MANEA: variants seen among roughly 807,000 people sequenced by gnomAD.
The protein encoded by MANEA is mannosidase endo-alpha, also known as glycoprotein endo-alpha-1,2-mannosidase.
Under a neutral mutation model 36.8 loss-of-function variants are expected in MANEA, and 25 were observed. That is an observed-to-expected ratio of 0.68 (90% confidence interval 0.50 to 0.95). MANEA has a LOEUF of 0.95. Among genes scored for constraint, MANEA ranks in the 40% least tolerant of loss-of-function variants. The pLI, the probability that MANEA is intolerant of heterozygous loss-of-function variation, is 0.00. For missense variants in MANEA, 565 were observed against 558.8 expected (o/e 1.01, Z -0.11); for synonymous variants, 198 against 188.5 (o/e 1.05, Z -0.41).
At chr6:95,604,061 G>GGTGTGTGTGTGTATGTGT (rs1554210529) in intron 3 of MANEA, among the ~76,000 whole-genome samples, 1 of 138,320 alleles carries the variant, frequency 7.2e-6, no homozygotes, top group South Asian at 2.4e-4. Flanking sequence ...TATGTATGTA[G>GGTGTGTGTGTGTATGTGT]GTGTGTGTGT....
chr6:95,600,250 C>A (rs1375744277), intron 3 of MANEA, among the ~76,000 whole-genome samples: 1 of 152,028 alleles, frequency 6.6e-6, no homozygotes, highest in Non-Finnish European at 1.5e-5. Context: ...ACTTGGAACA[C>A]GATAGACTAA....
At chr6:95,590,734 GA>G (rs1769372379) in intron 2 of MANEA, among the ~76,000 whole-genome samples, 1 of 152,122 alleles carries the variant, frequency 6.6e-6, no homozygotes, top group Non-Finnish European at 1.5e-5. Flanking sequence ...AAAAAAATTT[GA>G]AAGTATTCAT....
At chr6:95,579,924 C>T (rs1769147765) in intron 1 of MANEA, among the ~76,000 whole-genome samples, 2 of 152,130 alleles carry the variant, frequency 1.3e-5, no homozygotes, top group African/African-American at 4.8e-5. Flanking sequence ...TAGGTCCCTG[C>T]CTTGGAAAGA....
intron 3 of MANEA, among the ~76,000 whole-genome samples, chr6:95,598,521 TGAGA>T (rs1334006791): frequency 2.6e-5 from 4 of 152,174 alleles, no homozygotes; most frequent in African/African-American, 9.6e-5. Flanking sequence ...GTGAAAGATC[TGAGA>T]GAGAGTCTAA....
At chr6:95,591,202 G>T (rs997649076) in intron 2 of MANEA, among the ~76,000 whole-genome samples, 2 of 152,110 alleles carry the variant, frequency 1.3e-5, no homozygotes, top group Non-Finnish European at 2.9e-5. Context: ...GTAGATCCAA[G>T]TGTATGTCTA....
rs571024252 is a variant in MANEA at position 95,599,229 on chromosome 6, G to GA, written c.654+2384dup. ...CTTAGTAACCAAAGTTCTTTAGCTT[G>GA]ATAAAGGGTGTCTCTTAGTATCTTA... On this transcript the variant is annotated intron_variant, in intron 3 of 4. Coordinates refer to ENST00000358812, the MANE Select transcript of MANEA (RefSeq NM_024641.4). Among the ~76,000 whole-genome samples, 8 of 152,174 alleles carry GA rather than the reference G, an allele frequency of 5.3e-5. No homozygotes were observed. In the East Asian group the frequency reaches 1.5e-3, roughly 29 times the overall value.
Position 95,604,474 on chromosome 6 carries a change from A to G in MANEA, c.655-353A>G, listed in dbSNP as rs1769663656. ...TAAAAAGAAGCATTGCACAGCAGTT[A>G]AGCATTTGAACTCGGAATTCAGATC... On this transcript the variant is annotated intron_variant, in intron 3 of 4. Transcript: ENST00000358812. Among the ~76,000 whole-genome samples, 4 of 152,016 alleles carry G rather than the reference A, an allele frequency of 2.6e-5. No homozygotes were observed. In the South Asian group the frequency reaches 8.3e-4, roughly 31 times the overall value.
chr6:95,605,829 T>C lies in MANEA; in HGVS notation c.813T>C (p.Tyr271=), dbSNP rs1297788314. Residue 271 remains tyrosine, a synonymous_variant, in exon 5 of 5, where the codon TAT becomes TAC. Coordinates refer to ENST00000358812, the MANE Select transcript of MANEA (RefSeq NM_024641.4). ...ALPMFYVYDS[Y]ITKPEKWANL... is the part of the protein sequence containing the mutation. ...CTATGTTTTATGTCTATGATTCCTA[T>C]ATTACCAAGCCTGAAAAATGGGCCA... 8 of 1,613,786 alleles carry C rather than the reference T, an allele frequency of 5.0e-6. No individual in the cohort carries two copies. The highest frequency in any genetic ancestry group is 1.3e-5 in the African/African-American group (1 of 74,912).
chr6:95,597,862 T>C (rs2127943326), intron 3 of MANEA, among the ~76,000 whole-genome samples: 1 of 152,166 alleles, frequency 6.6e-6, no homozygotes, highest in South Asian at 2.1e-4. Flanking sequence ...TCTTTACTAT[T>C]GTCCACTTTT....
intron 1 of MANEA, among the ~76,000 whole-genome samples, chr6:95,584,552 A>G (rs1319639346): frequency 6.6e-6 from 1 of 152,148 alleles, no homozygotes; most frequent in Non-Finnish European, 1.5e-5. Flanking sequence ...TAAGATGTTT[A>G]TCAAGACAGT....
intron 3 of MANEA, among the ~76,000 whole-genome samples, chr6:95,600,434 CAATG>C (rs1769566088): frequency 6.6e-6 from 1 of 152,126 alleles, no homozygotes; most frequent in Admixed American, 6.5e-5. Context: ...TGTACAATGA[CAATG>C]AAACCATAAG....
intron 4 of MANEA, among the ~76,000 whole-genome samples, chr6:95,605,378 C>T (rs1209389189): frequency 6.6e-6 from 1 of 151,956 alleles, no homozygotes; most frequent in East Asian, 1.9e-4. Flanking sequence ...TGACAGATGC[C>T]ATAGTCTTAC....
chr6:95,601,545 C>T, intron 3 of MANEA, among the ~76,000 whole-genome samples: 1 of 152,018 alleles, frequency 6.6e-6, no homozygotes, highest in East Asian at 1.9e-4. Flanking sequence ...TGATTTGAAC[C>T]AGCCTGGAGC....
rs1769726904 is a variant in MANEA at position 95,606,920 on chromosome 6, A to C, written c.*515A>C. 3 of 152,254 alleles carry C rather than the reference A, an allele frequency of 2.0e-5. No individual in the cohort carries two copies. The South Asian group carries it at 6.2e-4, about 32-fold the overall frequency. The allele number at this position is 152,254 out of a possible 1,614,324, so 9.4% of individuals were successfully genotyped here. On this transcript the variant is annotated 3_prime_UTR_variant, in exon 5 of 5. Transcript: ENST00000358812. ...CTGGATAACTCTACAATAATGAGGA[A>C]ATTCTTAAGAATAACAAAATCACTG... is the stretch of plus-strand genomic sequence containing the variant.
At chr6:95,597,784 A>G (rs1372094589) in intron 3 of MANEA, among the ~76,000 whole-genome samples, 1 of 152,110 alleles carries the variant, frequency 6.6e-6, no homozygotes, top group Non-Finnish European at 1.5e-5. Context: ...AAGAACTATG[A>G]TAGATGAAGT....
chr6:95,607,508 G>C lies in MANEA; in HGVS notation c.*1103G>C, dbSNP rs1769739704. ...ATGTCTAGAGTAGGTCCTGAAGTTT[G>C]GCTTTACATTAAGTTTAGCACTGTA... is the stretch of plus-strand genomic sequence containing the variant. On this transcript the variant is annotated 3_prime_UTR_variant, in exon 5 of 5. Transcript: ENST00000358812. 1 of 151,798 alleles carries C rather than the reference G, an allele frequency of 6.6e-6. No homozygotes were observed. The highest frequency in any genetic ancestry group is 6.6e-5 in the Admixed American group (1 of 15,220). The allele number at this position is 151,798 out of a possible 1,614,324, so 9.4% of individuals were successfully genotyped here.
rs1019525578 is a variant in MANEA at position 95,606,954 on chromosome 6, T to A, written c.*549T>A. On this transcript the variant is annotated 3_prime_UTR_variant, in exon 5 of 5. Transcript: ENST00000358812. ...GAATAACAAAATCACTGTACCTTCC[T>A]CTCAATTTTGCTGTGAACCTGAAAT... 1 of 152,118 alleles carries A rather than the reference T, an allele frequency of 6.6e-6. No homozygotes were observed. Among genetic ancestry groups the A allele is most frequent in the African/African-American group, 2.4e-5 (1 of 41,434 alleles). The allele number at this position is 152,118 out of a possible 1,614,324, so 9.4% of individuals were successfully genotyped here.
At chr6:95,599,192 G>A (rs1250184922) in intron 3 of MANEA, among the ~76,000 whole-genome samples, 1 of 152,108 alleles carries the variant, frequency 6.6e-6, no homozygotes, top group Non-Finnish European at 1.5e-5. Context: ...AAAATTCATT[G>A]TTAATGAAGT....
At chr6:95,604,955 T>C (rs763443641) in intron 4 of MANEA, 52 bp downstream of exon 4, 2 of 643,462 alleles carry the variant, frequency 3.1e-6, no homozygotes, top group Non-Finnish European at 5.0e-6. Flanking sequence ...GTGATAATTA[T>C]TGTTTTAAGA....
Sources: gnomAD v4.1 joint callset for allele counts (sites outside exome capture counted in the v4.1 genomes callset) on GRCh38, gnomAD v4.1.1 for gene constraint, MANE v1.5 for transcripts, NCBI Gene and HGNC (gene_info 2026-07-23, HGNC 2026-07-21) for gene names.